Variants in TASP1 observed in about 807,000 individuals in gnomAD.
TASP1 encodes threonine aspartase 1.
In TASP1, 16 loss-of-function variants were observed where a neutral mutation model predicts 56.6. That is an observed-to-expected ratio of 0.28 (90% CI 0.19 to 0.43). TASP1 has a LOEUF of 0.43. Among genes scored for constraint, TASP1 ranks in the 20% least tolerant of loss-of-function variants. TASP1 has a pLI of 1.00. For missense variants in TASP1, 393 were observed against 511.6 expected (o/e 0.77, Z 2.24); for synonymous variants, 179 against 184.2 (o/e 0.97, Z 0.23).
rs1381414167 is a variant in TASP1, at chr20:13,468,070, C to G, written c.985+15157G>C. Among the ~76,000 whole-genome samples, 4 of 151,842 alleles carry G rather than the reference C, an allele frequency of 2.6e-5. No homozygotes were observed. The East Asian group carries it at 7.7e-4, about 29-fold the overall frequency. ...AAACAAAAAACAAAAAACAAAACCA[C>G]ATACACACATTTACAGCAAACACAC... is the stretch of plus-strand genomic sequence containing the variant. On this transcript the variant is annotated intron_variant, in intron 11 of 13. Coordinates refer to ENST00000337743, the MANE Select transcript of TASP1 (RefSeq NM_017714.3).
chr20:13,528,828 C>T (rs1013526032), intron 9 of TASP1, among the ~76,000 whole-genome samples: 1 of 151,552 alleles, frequency 6.6e-6, no homozygotes, highest in Non-Finnish European at 1.5e-5. Context: ...TTCTTCTGGC[C>T]CCTTAAAACC....
At chr20:13,510,715 AT>A (rs1445398081) in intron 10 of TASP1, among the ~76,000 whole-genome samples, 1 of 152,178 alleles carries the variant, frequency 6.6e-6, no homozygotes, top group African/African-American at 2.4e-5. Flanking sequence ...TTCCTCGGGC[AT>A]TCAGGCCCTG....
the TASP1 span, among the ~76,000 whole-genome samples, chr20:13,197,774 T>C: frequency 6.6e-6 from 1 of 152,300 alleles, no homozygotes; most frequent in African/African-American, 2.4e-5. Context: ...AGAGAAGGTG[T>C]AGAATTTTGA....
the TASP1 span, among the ~76,000 whole-genome samples, chr20:13,329,314 G>C: frequency 6.6e-6 from 1 of 152,122 alleles, no homozygotes; most frequent in African/African-American, 2.4e-5. Flanking sequence ...CAATATGACT[G>C]GTGTAAGAAG....
intron 11 of TASP1, among the ~76,000 whole-genome samples, chr20:13,480,844 C>T (rs895959109): frequency 2.6e-5 from 4 of 151,938 alleles, no homozygotes; most frequent in African/African-American, 4.8e-5. Flanking sequence ...AGTAGGTATA[C>T]GTATTTATGA....
At chr20:13,343,709 C>T in the TASP1 span, among the ~76,000 whole-genome samples, 6 of 152,170 alleles carry the variant, frequency 3.9e-5, no homozygotes, top group Non-Finnish European at 7.4e-5. Flanking sequence ...TGGGCGTCCA[C>T]CTCCTCACAG....
chr20:13,118,632 C>T, the TASP1 span, among the ~76,000 whole-genome samples: 2 of 152,118 alleles, frequency 1.3e-5, no homozygotes, highest in African/African-American at 4.8e-5. Flanking sequence ...CTACACCTGT[C>T]CCAAAGAGCA....
chr20:13,214,667 G>A, the TASP1 span, among the ~76,000 whole-genome samples: 1 of 151,882 alleles, frequency 6.6e-6, no homozygotes, highest in African/African-American at 2.4e-5. Flanking sequence ...CCACAGAACT[G>A]GTACAACATC....
At chr20:13,630,398 C>T (rs2049039390) in intron 1 of TASP1, among the ~76,000 whole-genome samples, 1 of 151,938 alleles carries the variant, frequency 6.6e-6, no homozygotes, top group South Asian at 2.1e-4. Flanking sequence ...ACTGATAGTA[C>T]CTGCTTAGGG....
the TASP1 span, among the ~76,000 whole-genome samples, chr20:13,223,851 T>C: frequency 6.6e-6 from 1 of 152,160 alleles, no homozygotes; most frequent in African/African-American, 2.4e-5. Context: ...CATGGACTCA[T>C]GAAAAGCCAT....
At chr20:13,324,884 G>A in the TASP1 span, among the ~76,000 whole-genome samples, 66 of 152,136 alleles carry the variant, frequency 4.3e-4, no homozygotes, top group African/African-American at 1.5e-3. Context: ...CCCCAGGAAG[G>A]CAAAGAGACT....
the TASP1 span, among the ~76,000 whole-genome samples, chr20:13,110,540 G>C: frequency 6.6e-6 from 1 of 152,138 alleles, no homozygotes; most frequent in African/African-American, 2.4e-5. Context: ...TTCGCAGCTG[G>C]GTTATTCAAG....
At chr20:13,473,449 C>T (rs1190413797) in intron 11 of TASP1, among the ~76,000 whole-genome samples, 4 of 152,052 alleles carry the variant, frequency 2.6e-5, no homozygotes, top group Non-Finnish European at 5.9e-5. Context: ...AACAAACCTG[C>T]ACATTGTGCA....
At chr20:13,212,195 C>T in the TASP1 span, among the ~76,000 whole-genome samples, 1 of 152,054 alleles carries the variant, frequency 6.6e-6, no homozygotes, top group African/African-American at 2.4e-5. Context: ...GTGATCTGGC[C>T]CTTAAAGCAT....
chr20:13,304,480 G>C, the TASP1 span, among the ~76,000 whole-genome samples: 1 of 152,178 alleles, frequency 6.6e-6, no homozygotes, highest in Non-Finnish European at 1.5e-5. Context: ...CCATTGTCCA[G>C]TGCTTTTGCT....
chr20:13,494,198 G>A (rs6042171), intron 10 of TASP1, among the ~76,000 whole-genome samples: 7,403 of 152,232 alleles, frequency 0.049, 334 homozygotes, highest in African/African-American at 0.11. Flanking sequence ...CACATATGAG[G>A]AGAACCAGCT....
At chr20:13,579,787 G>T (rs2047055184) in intron 6 of TASP1, among the ~76,000 whole-genome samples, 1 of 152,098 alleles carries the variant, frequency 6.6e-6, no homozygotes, top group Non-Finnish European at 1.5e-5. Flanking sequence ...TGATATTTGA[G>T]ATTTTTTTCA....
At chr20:13,153,788 C>G in the TASP1 span, among the ~76,000 whole-genome samples, 1 of 152,186 alleles carries the variant, frequency 6.6e-6, no homozygotes, top group Non-Finnish European at 1.5e-5. Context: ...CCTCGTAGAA[C>G]CCTCCACCTC....
chr20:13,629,145 C>T (rs1600210526), intron 2 of TASP1, among the ~76,000 whole-genome samples: 1 of 152,132 alleles, frequency 6.6e-6, no homozygotes, highest in African/African-American at 2.4e-5. Context: ...GCAGGTGGAT[C>T]ACCCGAGGTC....
Sources: allele counts gnomAD v4.1 joint callset (sites outside exome capture counted in the v4.1 genomes callset), GRCh38; gene constraint gnomAD v4.1.1; transcripts MANE v1.5; gene names NCBI Gene and HGNC (gene_info 2026-07-23, HGNC 2026-07-21).